EPS15L1: variants seen among roughly 807,000 people sequenced by gnomAD.
The protein encoded by EPS15L1 is epidermal growth factor receptor pathway substrate 15 like 1.
Under a neutral mutation model 117.1 loss-of-function variants are expected in EPS15L1, and 43 were observed. The ratio of observed to expected loss-of-function variants is 0.37; its 90% CI spans 0.29 to 0.47. EPS15L1 has a LOEUF of 0.47. EPS15L1 is among the 20% of genes least tolerant of loss of function. EPS15L1 has a pLI of 0.99. For synonymous variants in EPS15L1, 459 were observed against 470.5 expected, an observed-to-expected ratio of 0.98 and a Z score of 0.32; for missense variants, 981 against 1,164.0, an observed-to-expected ratio of 0.84 and a Z score of 2.29.
rs780750731 is a variant in EPS15L1 at position 16,377,149 on chromosome 19, C to G, written c.2353G>C (p.Ala785Pro). The G allele has an allele frequency of 8.7e-6, 14 of 1,608,380 alleles. No individual in the cohort carries two copies. The highest frequency in any genetic ancestry group is 1.1e-5 in the Non-Finnish European group (13 of 1,177,728). The change falls in exon 22 of 24, where the codon GCT (alanine) becomes CCT (proline). Residue 785 changes from alanine to proline, a missense_variant. Around this residue, in one of 5 missense-constraint regions of EPS15L1, gnomAD observed 819 missense variants for 949.0 expected, o/e 0.86. Transcript: ENST00000455140. ...CTGGGCGGTTTAGGCCGTGGAGGAG[C>G]AGGTTTCTTCGGAGGCAGAGCAGGA... ...DTPALPPKKP[A>P]PPRPKPPSGK... is the part of the protein sequence containing the mutation.
intron 3 of EPS15L1, chr19:16,441,554 G>A (rs930981858): frequency 2.3e-5 from 4 of 177,350 alleles, no homozygotes; most frequent in Admixed American, 1.8e-4. Context: ...ACTTGAACCC[G>A]GGAGGAGGAG....
rs570721588 is a variant in EPS15L1, at chr19:16,371,611, G to A, written c.2380+5511C>T. 6.6e-6 allele frequency among the ~76,000 whole-genome samples: 1 copy of A among 152,246 alleles called. No homozygotes were observed. The highest frequency in any genetic ancestry group is 2.4e-5 in the African/African-American group (1 of 41,524). ...ACTGGCTGGTTAGCGGTAGAACTGC[G>A]CTGGCTGGTGTCACCGGGCGCTGCA... On this transcript the variant is annotated intron_variant, in intron 22 of 23. Coordinates refer to ENST00000455140, the MANE Select transcript of EPS15L1 (RefSeq NM_001258374.3). The surrounding 1 kb of genome is among the most constrained non-coding windows in gnomAD (Gnocchi z 4.7).
chr19:16,391,646 A>G (rs1175935140), intron 19 of EPS15L1, among the ~76,000 whole-genome samples: 2 of 143,896 alleles, frequency 1.4e-5, no homozygotes, highest in African/African-American at 5.2e-5. Flanking sequence ...TTTGGTTTTG[A>G]AATCCAAGTT....
chr19:16,376,387 G>A (rs2092295629), intron 22 of EPS15L1, among the ~76,000 whole-genome samples: 1 of 152,212 alleles, frequency 6.6e-6, no homozygotes, highest in African/African-American at 2.4e-5. Flanking sequence ...TCTGTCATAC[G>A]AGAGAAATCC....
At chr19:16,413,351 C>T (rs1335771686) in intron 13 of EPS15L1, 5 of 694,766 alleles carry the variant, frequency 7.2e-6, no homozygotes, top group Admixed American at 4.1e-5. Context: ...TGGCTAGTAT[C>T]AATGACTGCT....
Position 16,383,385 on chromosome 19 carries a change from A to G in EPS15L1, c.2247+1744T>C, listed in dbSNP as rs1169326776. On this transcript the variant is annotated intron_variant, in intron 21 of 23. Coordinates refer to ENST00000455140, the MANE Select transcript of EPS15L1 (RefSeq NM_001258374.3). The surrounding 1 kb of genome is among the most constrained non-coding windows in gnomAD (Gnocchi z 5.2). Reference sequence around the variant, plus strand: ...GGAGGAAGACAGATCCAGCCTCCCAAAGGAAGAGGAGTCCACTTGCGACAA... The same window carrying G: ...GGAGGAAGACAGATCCAGCCTCCCAGAGGAAGAGGAGTCCACTTGCGACAA... The G allele has an allele frequency of 5.3e-5, 8 of 152,246 alleles. No individual in the cohort carries two copies. The East Asian group carries it at 1.2e-3, about 22-fold the overall frequency. The allele number at this position is 152,246 out of a possible 1,614,324, so 9.4% of individuals were successfully genotyped here. A position where few individuals can be genotyped will look rare whatever the true frequency, so the allele number is the denominator to read the frequency against.
rs1464658310 is a variant in EPS15L1, at chr19:16,395,348, G to A, written c.1911C>T (p.Phe637=). ...AGTGGGTAGCAAGTGAGATACCTTTGAAGGGGTCAGCTCCTTTAAATGGGT... is the reference window on the plus strand; with the variant it reads ...AGTGGGTAGCAAGTGAGATACCTTTAAAGGGGTCAGCTCCTTTAAATGGGT... ...KSDPFKGADP[F]KGDPFQNDPF... The change falls in exon 17 of 24, where the codon TTC becomes TTT. Residue 637 remains phenylalanine, a synonymous_variant. Coordinates refer to ENST00000455140, the MANE Select transcript of EPS15L1 (RefSeq NM_001258374.3). The A allele has an allele frequency of 1.9e-6, 3 of 1,613,358 alleles. No homozygotes were observed. Among genetic ancestry groups the A allele is most frequent in the Non-Finnish European group, 2.5e-6 (3 of 1,179,682 alleles).
chr19:16,396,950 G>T (rs1035868883), intron 16 of EPS15L1, among the ~76,000 whole-genome samples: 2 of 152,196 alleles, frequency 1.3e-5, no homozygotes, highest in African/African-American at 4.8e-5. Flanking sequence ...GGCTGTGGGT[G>T]GGGGGATGGG....
Position 16,371,355 on chromosome 19 carries a change from T to C in EPS15L1, c.2380+5767A>G, listed in dbSNP as rs2092222181. On this transcript the variant is annotated intron_variant, in intron 22 of 23. Transcript: ENST00000455140. The surrounding 1 kb of genome is among the most constrained non-coding windows in gnomAD (Gnocchi z 4.7). ...TGCCACACACAGGTACGGGAGGGGC[T>C]TGTTTGCAAGGGGAAGAATGACTTT... Among the ~76,000 whole-genome samples, 1 of 152,174 alleles carries C rather than the reference T, an allele frequency of 6.6e-6. No individual in the cohort carries two copies. Among genetic ancestry groups the C allele is most frequent in the African/African-American group, 2.4e-5 (1 of 41,432 alleles).
rs371775479 is a variant in EPS15L1 at position 16,392,406 on chromosome 19, G to A, written c.2001C>T (p.Asp667=). 1.3e-5 allele frequency: 21 copies of A among 1,614,190 alleles called. No homozygotes were observed. Among genetic ancestry groups the A allele is most frequent in the African/African-American group, 1.2e-4 (9 of 75,050 alleles). Residue 667 remains aspartate, a synonymous_variant, in exon 19 of 24, where the codon GAC becomes GAT. Transcript: ENST00000455140. ...PFGGDPFKES[D]PFRGSATDDF... ...CGTCAGTGGCAGAGCCACGGAATGGGTCACTTTCTTTGAAAGGGTCCCCTC... is the reference window on the plus strand; with the variant it reads ...CGTCAGTGGCAGAGCCACGGAATGGATCACTTTCTTTGAAAGGGTCCCCTC...
intron 22 of EPS15L1, among the ~76,000 whole-genome samples, chr19:16,367,753 C>CA (rs60689307): frequency 0.11 from 5,474 of 50,566 alleles, 163 homozygotes; most frequent in African/African-American, 0.16. Flanking sequence ...GGGTGCAAAG[C>CA]AAAAAAAAAA....
In EPS15L1 at chr19:16,421,366, C is replaced by A; in HGVS notation, c.903G>T (p.Glu301Asp). 7.4e-6 allele frequency: 12 copies of A among 1,613,804 alleles called. No individual in the cohort carries two copies. Among genetic ancestry groups the A allele is most frequent in the Non-Finnish European group, 1.0e-5 (12 of 1,179,728 alleles). ...DGYVSGQEVK[E>D]IFMHSGLTQN... ...GGGTGAGGCCCGAGTGCATGAAGATCTCCTTCACCTCCTGGCCACTCACGT... is the reference window on the plus strand; with the variant it reads ...GGGTGAGGCCCGAGTGCATGAAGATATCCTTCACCTCCTGGCCACTCACGT... Residue 301 changes from glutamate (E) to aspartate (D), a missense_variant, in exon 10 of 24, where the codon GAG (glutamate) becomes GAT (aspartate). Glu to Asp is a conservative substitution (Grantham distance 45). This residue lies in a region of EPS15L1 where 819 missense variants were observed against 949.0 expected (regional missense o/e 0.86). Transcript: ENST00000455140.
intron 7 of EPS15L1, among the ~76,000 whole-genome samples, chr19:16,433,302 A>ATT (rs558476301): frequency 1.4e-5 from 2 of 147,936 alleles, no homozygotes; most frequent in Non-Finnish European, 3.0e-5. Flanking sequence ...TAATTTTTGT[A>ATT]TTTTTTTTTA....
At chr19:16,408,236 G>A (rs1197725400) in intron 13 of EPS15L1, among the ~76,000 whole-genome samples, 1 of 152,150 alleles carries the variant, frequency 6.6e-6, no homozygotes, top group Non-Finnish European at 1.5e-5. Context: ...AGAGCAAAAA[G>A]AAGACAAAAA....
intron 1 of EPS15L1, among the ~76,000 whole-genome samples, chr19:16,470,200 G>A (rs1396336235): frequency 2.0e-5 from 3 of 151,726 alleles, no homozygotes. Flanking sequence ...TCGCCAAAAT[G>A]GTGAAACCCC....
At chr19:16,461,673 T>C (rs928427419) in intron 1 of EPS15L1, among the ~76,000 whole-genome samples, 2 of 152,108 alleles carry the variant, frequency 1.3e-5, no homozygotes, top group Non-Finnish European at 2.9e-5. Context: ...CAGATTGGCG[T>C]AATGACAGAG....
chr19:16,417,810 C>T, intron 11 of EPS15L1, 138 bp downstream of exon 11: 1 of 1,335,192 alleles, frequency 7.5e-7, no homozygotes, highest in Non-Finnish European at 1.0e-6. Context: ...AGCCACCCTC[C>T]CGGGGGCCCC....
chr19:16,462,427 A>G (rs551151633), intron 1 of EPS15L1, among the ~76,000 whole-genome samples: 1 of 152,226 alleles, frequency 6.6e-6, no homozygotes, highest in African/African-American at 2.4e-5. Context: ...TTGGGGGGCC[A>G]AGGTGGGTGG....
chr19:16,411,506 G>A (rs1427386291), intron 13 of EPS15L1, among the ~76,000 whole-genome samples: 1 of 152,194 alleles, frequency 6.6e-6, no homozygotes, highest in Non-Finnish European at 1.5e-5. Context: ...ACTCGATAGA[G>A]TGATGGTTAA....
Sources: gnomAD v4.1 joint callset for allele counts (sites outside exome capture counted in the v4.1 genomes callset) on GRCh38, gnomAD v4.1.1 for gene constraint, gnomAD v4.1.1 regional missense constraint, Gnocchi (gnomAD v3.1) non-coding constraint, MANE v1.5 for transcripts, NCBI Gene and HGNC (gene_info 2026-07-23, HGNC 2026-07-21) for gene names.